Variants in CCDC82 observed in about 807,000 individuals in gnomAD.
The protein encoded by CCDC82 is coiled-coil domain-containing protein 82.
CCDC82 carries 47 observed loss-of-function variants against 60.6 expected under a neutral mutation model. That is an observed-to-expected ratio of 0.77 (90% confidence interval 0.61 to 0.99). The LOEUF (loss-of-function observed/expected upper bound fraction) is 0.99. CCDC82 is among the 50% of genes least tolerant of loss of function. CCDC82 has a pLI of 0.00. For missense variants in CCDC82, 588 were observed against 633.0 expected (o/e 0.93, Z 0.76); for synonymous variants, 212 against 207.4 (o/e 1.02, Z -0.19).
intron 7 of CCDC82, among the ~76,000 whole-genome samples, chr11:96,368,699 T>C (rs1169609327): frequency 6.6e-6 from 1 of 150,828 alleles, no homozygotes; most frequent in Non-Finnish European, 1.5e-5. Flanking sequence ...ACCCCGTCTC[T>C]ACTAAAAATA....
chr11:96,373,825 C>T (rs1369789861), intron 5 of CCDC82, among the ~76,000 whole-genome samples: 1 of 152,128 alleles, frequency 6.6e-6, no homozygotes, highest in African/African-American at 2.4e-5. Context: ...GAGAAAACCT[C>T]CAAAGACAGA....
At chr11:96,358,626 A>G in intron 9 of CCDC82, 3 of 1,244,318 alleles carry the variant, frequency 2.4e-6, no homozygotes, top group Non-Finnish European at 3.0e-6. Context: ...TGTTCTAAAG[A>G]ATAGGAAGCA....
At chr11:96,376,788 T>C (rs1865599978) in intron 5 of CCDC82, among the ~76,000 whole-genome samples, 1 of 152,174 alleles carries the variant, frequency 6.6e-6, no homozygotes, top group Admixed American at 6.5e-5. Flanking sequence ...TAGATGGAAT[T>C]TTTCCTGATT....
At chr11:96,358,130 A>G in intron 9 of CCDC82, 1 of 986,066 alleles carries the variant, frequency 1.0e-6, no homozygotes. Context: ...TCTTTTACAA[A>G]TTTCCCTATG....
intron 9 of CCDC82, chr11:96,357,902 G>T (rs1864428715): frequency 2.0e-6 from 2 of 985,386 alleles, no homozygotes; most frequent in Non-Finnish European, 1.2e-6. Flanking sequence ...AAGCTGAAAA[G>T]AATAAAATGA....
At chr11:96,357,510 C>T (rs1041198778) in intron 9 of CCDC82, 19 of 985,110 alleles carry the variant, frequency 1.9e-5, no homozygotes, top group Non-Finnish European at 2.3e-5. Flanking sequence ...CTTTAAAATT[C>T]CAGGTCCCTT....
rs943516956 is a variant in CCDC82 at position 96,361,101 on chromosome 11, G to C, written c.1381-1923C>G. Among the ~76,000 whole-genome samples the C allele has an allele frequency of 3.3e-5, 5 of 152,150 alleles. 1 individual carries two copies. The highest frequency in any genetic ancestry group is 7.2e-5 in the African/African-American group (3 of 41,442). ...TTCACTTGCTAATACTTCCAACTTTGTGTAAAAAGACAACACAAAAGTTGC... is the reference window on the plus strand; with the variant it reads ...TTCACTTGCTAATACTTCCAACTTTCTGTAAAAAGACAACACAAAAGTTGC... On this transcript the variant is annotated intron_variant, in intron 8 of 9. Transcript: ENST00000646818.
chr11:96,384,319 T>G lies in CCDC82; in HGVS notation c.429A>C (p.Gln143His), dbSNP rs533065669. 7 of 1,613,732 alleles carry G rather than the reference T, an allele frequency of 4.3e-6. No individual in the cohort carries two copies. In the East Asian group the frequency reaches 1.6e-4, roughly 36 times the overall value. Residue 143 changes from glutamine to histidine, a missense_variant, in exon 4 of 10, where the codon CAA (glutamine) becomes CAC (histidine). Coordinates refer to ENST00000646818, the MANE Select transcript of CCDC82 (RefSeq NM_024725.4). ...GTTTTTCCTGATCATCCTCTATTATTTGTCCAGTTTGTTTGTTGAGATCAT... is the reference window on the plus strand; with the variant it reads ...GTTTTTCCTGATCATCCTCTATTATGTGTCCAGTTTGTTTGTTGAGATCAT... Reference protein sequence around the residue: ...EDNDLNKQTGQIIEDDQEKHL... With the variant: ...EDNDLNKQTGHIIEDDQEKHL...
At position 96,353,462 on chromosome 11, in the gene CCDC82, G is replaced by A. The variant is rs780271962; in HGVS notation, c.*184C>T. The A allele has an allele frequency of 1.1e-5, 6 of 541,602 alleles. No homozygotes were observed. Among genetic ancestry groups the A allele is most frequent in the African/African-American group, 1.9e-5 (1 of 51,876 alleles). 33.5% of individuals were successfully genotyped at this position (541,602 alleles called of 1,614,324 possible). On this transcript the variant is annotated 3_prime_UTR_variant, in exon 10 of 10. Coordinates refer to ENST00000646818, the MANE Select transcript of CCDC82 (RefSeq NM_024725.4). Reference sequence around the variant, plus strand: ...TAAGATAATGCTTTTATGTACATCAGATAAAAGTTTAATTAGAGTGTAGAG... The same window carrying A: ...TAAGATAATGCTTTTATGTACATCAAATAAAAGTTTAATTAGAGTGTAGAG...
chr11:96,374,593 TATA>T (rs1177175591), intron 5 of CCDC82, among the ~76,000 whole-genome samples: 3 of 152,286 alleles, frequency 2.0e-5, no homozygotes, highest in Non-Finnish European at 2.9e-5. Flanking sequence ...CTTTAATGAA[TATA>T]ATATTTTCTT....
At chr11:96,383,834 A>G (rs1866016406) in intron 4 of CCDC82, 128 bp downstream of exon 4, 1 of 850,506 alleles carries the variant, frequency 1.2e-6, no homozygotes, top group Admixed American at 2.9e-5. Context: ...ATGTTCAAGA[A>G]TACTTGATTA....
chr11:96,361,462 A>G (rs574412972), intron 8 of CCDC82, among the ~76,000 whole-genome samples: 5 of 152,320 alleles, frequency 3.3e-5, no homozygotes, highest in African/African-American at 1.2e-4. Flanking sequence ...ATATAGATCT[A>G]TAAATCAAAA....
chr11:96,375,716 G>T (rs59733257), intron 5 of CCDC82, among the ~76,000 whole-genome samples: 1,805 of 152,298 alleles, frequency 0.012, 28 homozygotes, highest in African/African-American at 0.041. Flanking sequence ...TCTAAGTCCA[G>T]ATTTCATGTT....
At position 96,373,361 on chromosome 11, in the gene CCDC82, T is replaced by C. The variant is rs201282294; in HGVS notation, c.1084+14A>G. 43 of 1,469,406 alleles carry C rather than the reference T, an allele frequency of 2.9e-5. No individual in the cohort carries two copies. In the African/African-American group the frequency reaches 5.1e-4, roughly 17 times the overall value. 91.0% of individuals were successfully genotyped at this position (1,469,406 alleles called of 1,614,324 possible). On this transcript the variant is annotated intron_variant, in intron 6 of 9. Transcript: ENST00000646818. Reference sequence around the variant, plus strand: ...AAATAAAAACCAATTGTTTCATTCATAGTATTAACTTACCATATAATGTTC... The same window carrying C: ...AAATAAAAACCAATTGTTTCATTCACAGTATTAACTTACCATATAATGTTC...
chr11:96,359,651 A>AT, intron 8 of CCDC82, among the ~76,000 whole-genome samples: 1 of 151,028 alleles, frequency 6.6e-6, no homozygotes. Context: ...GTAAAAAAAA[A>AT]AAAAAAAAAA....
intron 2 of CCDC82, chr11:96,387,323 A>T (rs1046614153): frequency 6.6e-6 from 1 of 152,232 alleles, no homozygotes; most frequent in African/African-American, 2.4e-5. Flanking sequence ...TTTATCATGA[A>T]ACAGGTGATT....
chr11:96,377,639 C>G (rs1382910770), intron 5 of CCDC82, among the ~76,000 whole-genome samples: 1 of 151,998 alleles, frequency 6.6e-6, no homozygotes. Context: ...CTCCTAGAAT[C>G]TCAATAAATT....
At chr11:96,357,634 A>T in intron 9 of CCDC82, 1 of 981,242 alleles carries the variant, frequency 1.0e-6, no homozygotes, top group African/African-American at 1.7e-5. Context: ...TAACATATAC[A>T]GTATATGCAC....
At chr11:96,382,208 A>C (rs1865910016) in intron 5 of CCDC82, 3 of 151,856 alleles carry the variant, frequency 2.0e-5, no homozygotes, top group African/African-American at 7.2e-5. Context: ...TTTTATTTGA[A>C]AGAAAGAGTG....
Sources: gnomAD v4.1 joint callset for allele counts (sites outside exome capture counted in the v4.1 genomes callset) on GRCh38, gnomAD v4.1.1 for gene constraint, MANE v1.5 for transcripts, NCBI Gene and HGNC (gene_info 2026-07-23, HGNC 2026-07-21) for gene names.